MRTFA: variants seen among roughly 807,000 people sequenced by gnomAD.
MRTFA encodes myocardin-related transcription factor A.
In MRTFA, 20 loss-of-function variants were observed where a neutral mutation model predicts 83.5. The observed-to-expected ratio is 0.24, with a 90% CI of 0.17 to 0.35. The LOEUF (loss-of-function observed/expected upper bound fraction) is 0.35, where lower values mean the gene tolerates loss of function less well. Among genes scored for constraint, MRTFA ranks in the 10% least tolerant of loss-of-function variants. The probability of loss-of-function intolerance (pLI) is 1.00; values close to 1 mark genes in which losing one functional copy is unlikely to be tolerated. For synonymous variants in MRTFA, 659 were observed against 541.2 expected (o/e 1.22, Z -3.02); for missense variants, 1,200 against 1,224.7 (o/e 0.98, Z 0.30).
chr22:40,592,784 C>T (rs1487490326), intron 2 of MRTFA, among the ~76,000 whole-genome samples: 9 of 152,148 alleles, frequency 5.9e-5, no homozygotes, highest in Admixed American at 5.2e-4. Flanking sequence ...TGAACTACCA[C>T]ACCCAGCCTG....
At chr22:40,559,722 T>C (rs898806929) in intron 2 of MRTFA, among the ~76,000 whole-genome samples, 5 of 152,180 alleles carry the variant, frequency 3.3e-5, no homozygotes, top group African/African-American at 1.2e-4. Flanking sequence ...CATACATTTT[T>C]AATAGTTTAA....
chr22:40,565,960 G>A (rs1356231364), intron 2 of MRTFA, among the ~76,000 whole-genome samples: 1 of 152,200 alleles, frequency 6.6e-6, no homozygotes, highest in African/African-American at 2.4e-5. Context: ...CTGAGACACT[G>A]AGAGGTTAAA....
intron 14 of MRTFA, among the ~76,000 whole-genome samples, chr22:40,413,468 A>AT (rs2052606790): frequency 6.6e-6 from 1 of 151,578 alleles, no homozygotes; most frequent in South Asian, 2.1e-4. Flanking sequence ...CCCTCCTGAG[A>AT]TTACAGGCAC....
chr22:40,429,704 T>G lies in MRTFA; in HGVS notation c.503A>C (p.Asp168Ala), dbSNP rs1276645791. 6.2e-7 allele frequency: 1 copy of G among 1,614,082 alleles called. No individual in the cohort carries two copies. The highest frequency in any genetic ancestry group is 8.5e-7 in the Non-Finnish European group (1 of 1,180,016). Residue 168 changes from aspartate to alanine, a missense_variant, in exon 7 of 15, where the codon GAT (aspartate) becomes GCT (alanine). Asp to Ala is a moderately radical substitution (Grantham distance 126). Around this residue, in one of 2 missense-constraint regions of MRTFA, gnomAD observed 93 missense variants for 182.9 expected, o/e 0.51. Transcript: ENST00000355630. The stretch of plus-strand genomic sequence containing the variant: ...CTGTGCAATCTTCTCATTGAGGTCA[T>G]CGGCTAGTCTGGCTCTCTTCAGCTT...
At chr22:40,539,928 C>T (rs62236969) in intron 3 of MRTFA, among the ~76,000 whole-genome samples, 1 of 142,454 alleles carries the variant, frequency 7.0e-6, no homozygotes, top group African/African-American at 2.6e-5. Flanking sequence ...TTTTTTTTCC[C>T]AGACAGGGTC....
chr22:40,587,916 T>G (rs1208430337), intron 2 of MRTFA: 11 of 409,976 alleles, frequency 2.7e-5, no homozygotes, highest in Non-Finnish European at 4.7e-5. Context: ...ATGGGAGCCT[T>G]GAATACAGGA....
chr22:40,479,266 A>C (rs75523970), intron 3 of MRTFA, among the ~76,000 whole-genome samples: 14,077 of 152,108 alleles, frequency 0.093, 733 homozygotes, highest in South Asian at 0.12. Flanking sequence ...CTAAGGGGAG[A>C]ATGCATTTGC....
At chr22:40,539,206 C>T (rs1246983103) in intron 3 of MRTFA, among the ~76,000 whole-genome samples, 2 of 151,544 alleles carry the variant, frequency 1.3e-5, no homozygotes, top group Non-Finnish European at 2.9e-5. Flanking sequence ...ACCATGTTGG[C>T]CCAGGCTGGT....
chr22:40,568,821 T>G (rs1444326931), intron 2 of MRTFA, among the ~76,000 whole-genome samples: 1 of 152,188 alleles, frequency 6.6e-6, no homozygotes, highest in East Asian at 1.9e-4. Context: ...CTGTACATTT[T>G]GAAAGCATCT....
intron 1 of MRTFA, among the ~76,000 whole-genome samples, chr22:40,600,968 C>A (rs1160523800): frequency 6.6e-6 from 1 of 152,106 alleles, no homozygotes; most frequent in Admixed American, 6.6e-5. Context: ...AAGCAAGACT[C>A]CGTCTCAAAA....
At chr22:40,425,944 CAGG>C in intron 7 of MRTFA, among the ~76,000 whole-genome samples, 1 of 152,338 alleles carries the variant, frequency 6.6e-6, no homozygotes, top group East Asian at 1.9e-4. Flanking sequence ...CCCTGCCCTC[CAGG>C]AGTTTATGGT....
chr22:40,517,515 C>T (rs989911061), intron 3 of MRTFA, among the ~76,000 whole-genome samples: 1 of 151,964 alleles, frequency 6.6e-6, no homozygotes, highest in African/African-American at 2.4e-5. Flanking sequence ...CAATCTTAGC[C>T]GTAAAATGGG....
At chr22:40,466,533 T>TA (rs983018503) in intron 3 of MRTFA, among the ~76,000 whole-genome samples, 49 of 152,260 alleles carry the variant, frequency 3.2e-4, no homozygotes, top group African/African-American at 1.2e-3. Context: ...CCAAGCAGGA[T>TA]AAAATCTAAG....
intron 2 of MRTFA, among the ~76,000 whole-genome samples, chr22:40,563,179 G>A (rs1009997377): frequency 1.3e-5 from 2 of 151,982 alleles, no homozygotes; most frequent in African/African-American, 2.4e-5. Context: ...CCAGTTATGC[G>A]GCTCTTTACT....
Position 40,590,660 on chromosome 22 carries a change from A to T in MRTFA, c.-22+4014T>A, listed in dbSNP as rs182390968. ...TGCACTCCAGCCTGTGTAACAGAAC[A>T]AGACTCTGTCTCAAAAAAAGAAAAA... On this transcript the variant is annotated intron_variant, in intron 2 of 14. Coordinates refer to ENST00000355630, the MANE Select transcript of MRTFA (RefSeq NM_020831.6). Among the ~76,000 whole-genome samples, 509 of 150,642 alleles carry T rather than the reference A, an allele frequency of 3.4e-3. 3 individuals are homozygous for T. Among genetic ancestry groups the T allele is most frequent in the African/African-American group, 0.012 (489 of 40,886 alleles).
intron 3 of MRTFA, among the ~76,000 whole-genome samples, chr22:40,472,171 T>C (rs2053926757): frequency 1.3e-5 from 2 of 152,234 alleles, no homozygotes; most frequent in Non-Finnish European, 2.9e-5. Context: ...AATGAAATCA[T>C]CTGGGAAGGT....
At chr22:40,493,486 G>A (rs902799210) in intron 3 of MRTFA, among the ~76,000 whole-genome samples, 13 of 152,120 alleles carry the variant, frequency 8.5e-5, no homozygotes, top group African/African-American at 2.7e-4. Flanking sequence ...ACTGATGCTC[G>A]TCCATCCCTT....
At chr22:40,519,628 G>A in intron 3 of MRTFA, 2 of 1,282,514 alleles carry the variant, frequency 1.6e-6, no homozygotes, top group Non-Finnish European at 2.0e-6. Context: ...GTACATAAAA[G>A]CAAAAAAGAA....
intron 4 of MRTFA, among the ~76,000 whole-genome samples, chr22:40,457,444 A>G (rs1356411548): frequency 1.6e-5 from 2 of 125,420 alleles, no homozygotes; most frequent in Non-Finnish European, 3.4e-5. Context: ...AAGAGAAAGA[A>G]AGAAAGAAAG....
Sources: allele counts gnomAD v4.1 joint callset (sites outside exome capture counted in the v4.1 genomes callset), GRCh38; gene constraint gnomAD v4.1.1; regional missense constraint gnomAD v4.1.1; transcripts MANE v1.5; gene names NCBI Gene and HGNC (gene_info 2026-07-23, HGNC 2026-07-21).